TRPC4: variants seen among roughly 807,000 people sequenced by gnomAD.
TRPC4 encodes the protein transient receptor potential cation channel subfamily C member 4, also known as short transient receptor potential channel 4.
In TRPC4, 49 loss-of-function variants were observed where a neutral mutation model predicts 99.4. The ratio of observed to expected loss-of-function variants is 0.49; its 90% CI spans 0.39 to 0.63. The LOEUF (loss-of-function observed/expected upper bound fraction) is 0.63. Among genes scored for constraint, TRPC4 ranks in the 20% least tolerant of loss-of-function variants. TRPC4 has a pLI of 0.00. For synonymous variants in TRPC4, 454 were observed against 425.9 expected, an observed-to-expected ratio of 1.07 and a Z score of -0.81; for missense variants, 898 against 1,152.9, an observed-to-expected ratio of 0.78 and a Z score of 3.20.
intron 1 of TRPC4, among the ~76,000 whole-genome samples, chr13:37,841,116 T>A (rs1007528337): frequency 1.1e-4 from 16 of 152,252 alleles, no homozygotes; most frequent in African/African-American, 3.8e-4. Context: ...TGCTTGTTTA[T>A]AATAATAACA....
intron 3 of TRPC4, among the ~76,000 whole-genome samples, chr13:37,737,608 G>T (rs146521167): frequency 0.01 from 1,529 of 152,086 alleles, 13 homozygotes; most frequent in South Asian, 0.03. Flanking sequence ...CAAGTAGCTG[G>T]GACTACAGGC....
chr13:37,844,508 TG>T (rs1348616006), intron 1 of TRPC4, among the ~76,000 whole-genome samples: 1 of 152,120 alleles, frequency 6.6e-6, no homozygotes, highest in Admixed American at 6.6e-5. Context: ...TTGGTCAGGC[TG>T]GTCTCGAACT....
At chr13:37,855,554 A>G (rs978085925) in intron 1 of TRPC4, among the ~76,000 whole-genome samples, 2 of 151,776 alleles carry the variant, frequency 1.3e-5, no homozygotes, top group African/African-American at 4.8e-5. Context: ...TTTATAGAAC[A>G]TTTTACCCAA....
At chr13:37,675,473 T>G (rs1953014758) in intron 4 of TRPC4, among the ~76,000 whole-genome samples, 1 of 152,010 alleles carries the variant, frequency 6.6e-6, no homozygotes, top group Non-Finnish European at 1.5e-5. Flanking sequence ...CAAGGAAAAT[T>G]TCTACCCTCT....
At chr13:37,729,529 T>C (rs1955176484) in intron 3 of TRPC4, among the ~76,000 whole-genome samples, 1 of 152,142 alleles carries the variant, frequency 6.6e-6, no homozygotes, top group Non-Finnish European at 1.5e-5. Context: ...AATATTTGTA[T>C]TCTCATTTCT....
chr13:37,654,987 C>A, intron 7 of TRPC4, 101 bp downstream of exon 7: 2 of 943,888 alleles, frequency 2.1e-6, no homozygotes, highest in Non-Finnish European at 2.9e-6. Flanking sequence ...TAATCAATAG[C>A]TAATTATAGA....
At chr13:37,685,639 T>G (rs1049908128) in intron 4 of TRPC4, among the ~76,000 whole-genome samples, 2 of 152,144 alleles carry the variant, frequency 1.3e-5, no homozygotes, top group Non-Finnish European at 2.9e-5. Flanking sequence ...TCTTTCTTTC[T>G]TGGTATCTAC....
At chr13:37,806,194 G>A (rs1957526196) in intron 1 of TRPC4, among the ~76,000 whole-genome samples, 1 of 151,994 alleles carries the variant, frequency 6.6e-6, no homozygotes, top group East Asian at 1.9e-4. Context: ...TACCAGAGGT[G>A]TCAGTCATAC....
chr13:37,678,903 G>C (rs1389118195), intron 4 of TRPC4, among the ~76,000 whole-genome samples: 2 of 151,964 alleles, frequency 1.3e-5, no homozygotes, highest in African/African-American at 4.8e-5. Flanking sequence ...TGTTTTTCCA[G>C]GTAATGAAAG....
chr13:37,848,735 G>T (rs142153103), intron 1 of TRPC4, among the ~76,000 whole-genome samples: 1 of 152,260 alleles, frequency 6.6e-6, no homozygotes, highest in East Asian at 1.9e-4. Flanking sequence ...CTGTGAGAAG[G>T]TGGTCCTGGT....
intron 1 of TRPC4, among the ~76,000 whole-genome samples, chr13:37,859,598 C>T (rs1193763943): frequency 2.6e-5 from 4 of 151,122 alleles, no homozygotes; most frequent in Admixed American, 6.6e-5. Flanking sequence ...TTGAAAGTAC[C>T]GAAATGAAAT....
At chr13:37,718,783 A>G (rs1351842500) in intron 3 of TRPC4, among the ~76,000 whole-genome samples, 1 of 152,156 alleles carries the variant, frequency 6.6e-6, no homozygotes, top group Non-Finnish European at 1.5e-5. Context: ...TTAAGTATCC[A>G]TGGGATAATA....
At chr13:37,803,396 C>T (rs1166399492) in intron 1 of TRPC4, among the ~76,000 whole-genome samples, 6 of 152,042 alleles carry the variant, frequency 3.9e-5, no homozygotes, top group African/African-American at 1.4e-4. Flanking sequence ...AACTCACCCA[C>T]ATATAGAGAC....
At chr13:37,792,381 G>A (rs1054293478) in intron 1 of TRPC4, among the ~76,000 whole-genome samples, 2 of 152,018 alleles carry the variant, frequency 1.3e-5, no homozygotes, top group African/African-American at 4.8e-5. Context: ...TGTAGAATTA[G>A]AAGGTTTTTA....
chr13:37,693,764 C>G (rs1194146133), intron 3 of TRPC4, among the ~76,000 whole-genome samples: 1 of 152,114 alleles, frequency 6.6e-6, no homozygotes, highest in Non-Finnish European at 1.5e-5. Context: ...TTCATCTTGT[C>G]TTGCATATCT....
At chr13:37,794,201 T>G (rs1402232468) in intron 1 of TRPC4, among the ~76,000 whole-genome samples, 1 of 99,616 alleles carries the variant, frequency 1.0e-5, no homozygotes, top group Non-Finnish European at 2.2e-5. Context: ...TATGGGTAAT[T>G]GGTGGTTTTT....
intron 1 of TRPC4, among the ~76,000 whole-genome samples, chr13:37,828,239 T>C (rs1043117345): frequency 2.0e-5 from 3 of 152,202 alleles, no homozygotes; most frequent in Admixed American, 6.5e-5. Context: ...TCTTCTGCGT[T>C]GCTCACGCTG....
At chr13:37,729,585 A>T (rs936291285) in intron 3 of TRPC4, among the ~76,000 whole-genome samples, 4 of 152,142 alleles carry the variant, frequency 2.6e-5, no homozygotes, top group African/African-American at 4.8e-5. Context: ...TAACCAACCC[A>T]AGTGTCCTTC....
chr13:37,864,699 C>G (rs982697780), intron 1 of TRPC4, among the ~76,000 whole-genome samples: 3 of 151,538 alleles, frequency 2.0e-5, no homozygotes, highest in Admixed American at 6.6e-5. Flanking sequence ...GCCTGCAAGA[C>G]AGAATATAAC....
Sources: gnomAD v4.1 joint callset for allele counts (sites outside exome capture counted in the v4.1 genomes callset) on GRCh38, gnomAD v4.1.1 for gene constraint, MANE v1.5 for transcripts, NCBI Gene and HGNC (gene_info 2026-07-23, HGNC 2026-07-21) for gene names.